Variants in STARD13 observed in about 807,000 individuals in gnomAD.
STARD13 encodes the protein stAR-related lipid transfer protein 13.
In STARD13, 62 loss-of-function variants were observed where a neutral mutation model predicts 106.4. The observed-to-expected ratio is 0.58, with a 90% CI of 0.48 to 0.72. The LOEUF is 0.72. STARD13 is among the 30% of genes least tolerant of loss of function. The probability of loss-of-function intolerance (pLI) is 0.00; values close to 1 mark genes in which losing one functional copy is unlikely to be tolerated. For synonymous variants in STARD13, 565 were observed against 553.0 expected, an observed-to-expected ratio of 1.02 and a Z score of -0.31; for missense variants, 1,387 against 1,424.0, an observed-to-expected ratio of 0.97 and a Z score of 0.42.
chr13:33,552,909 A>C, the STARD13 span, among the ~76,000 whole-genome samples: 2 of 152,144 alleles, frequency 1.3e-5, no homozygotes, highest in Non-Finnish European at 2.9e-5. Flanking sequence ...AACACACAAA[A>C]ATTCACAGAA....
At chr13:33,467,253 G>A in the STARD13 span, among the ~76,000 whole-genome samples, 7 of 151,906 alleles carry the variant, frequency 4.6e-5, no homozygotes, top group East Asian at 1.9e-4. Context: ...TGGGGGTGAC[G>A]GGAGACAGTG....
intron 1 of STARD13, among the ~76,000 whole-genome samples, chr13:33,180,869 T>C (rs533507576): frequency 7.4e-4 from 112 of 152,336 alleles, no homozygotes; most frequent in South Asian, 5.0e-3. Flanking sequence ...TAGAAATCCG[T>C]CCTTGAAACT....
At chr13:33,107,931 T>C (rs1873992466) in intron 12 of STARD13, among the ~76,000 whole-genome samples, 1 of 152,088 alleles carries the variant, frequency 6.6e-6, no homozygotes, top group South Asian at 2.1e-4. Context: ...TCCTCCATGA[T>C]TTCACCCTGT....
At chr13:33,524,745 T>C in the STARD13 span, among the ~76,000 whole-genome samples, 3 of 152,116 alleles carry the variant, frequency 2.0e-5, no homozygotes, top group African/African-American at 7.2e-5. Context: ...TAAAATTGTA[T>C]ATATTTATGG....
chr13:33,189,684 T>A (rs1886100327), intron 1 of STARD13, among the ~76,000 whole-genome samples: 1 of 151,816 alleles, frequency 6.6e-6, no homozygotes, highest in South Asian at 2.1e-4. Flanking sequence ...TCACAGCTAT[T>A]TCGCTAATCA....
the STARD13 span, among the ~76,000 whole-genome samples, chr13:33,509,422 C>T: frequency 6.6e-6 from 1 of 152,158 alleles, no homozygotes; most frequent in Non-Finnish European, 1.5e-5. Context: ...GGATCCTGGT[C>T]AACCAGGGAT....
At chr13:33,128,507 C>T (rs1207217395) in intron 5 of STARD13, among the ~76,000 whole-genome samples, 2 of 152,014 alleles carry the variant, frequency 1.3e-5, no homozygotes, top group African/African-American at 4.8e-5. Context: ...CATCTTAGGC[C>T]TCAGAAATTT....
chr13:33,587,011 C>T, the STARD13 span, among the ~76,000 whole-genome samples: 6 of 152,152 alleles, frequency 3.9e-5, no homozygotes, highest in African/African-American at 7.2e-5. Context: ...GTCAGGAGTT[C>T]GGGATCAGCC....
chr13:33,427,437 C>T, the STARD13 span, among the ~76,000 whole-genome samples: 1 of 152,112 alleles, frequency 6.6e-6, no homozygotes, highest in East Asian at 1.9e-4. Context: ...TATTTTAAGT[C>T]AAGAGGATTT....
At chr13:33,338,098 G>A (rs900265966) in intron 1 of STARD13, among the ~76,000 whole-genome samples, 1 of 152,202 alleles carries the variant, frequency 6.6e-6, no homozygotes, top group South Asian at 2.1e-4. Context: ...ATAGCAGAAG[G>A]TACCAGTTAT....
intron 3 of STARD13, among the ~76,000 whole-genome samples, chr13:33,157,361 A>G (rs1882103458): frequency 6.6e-6 from 1 of 152,224 alleles, no homozygotes; most frequent in African/African-American, 2.4e-5. Context: ...TTACTGGCCT[A>G]ACATTAAATT....
the STARD13 span, among the ~76,000 whole-genome samples, chr13:33,356,819 C>CTAAACAGCAAG: frequency 6.6e-6 from 1 of 152,212 alleles, no homozygotes; most frequent in Admixed American, 6.5e-5. Context: ...AGAAGTCACT[C>CTAAACAGCAAG]ATGAGAATTA....
chr13:33,344,299 A>AT (rs1159191518), downstream of STARD13, among the ~76,000 whole-genome samples: 3 of 152,162 alleles, frequency 2.0e-5, no homozygotes, highest in East Asian at 5.8e-4. Context: ...CTTGACTTAG[A>AT]TTTTTTTGTT....
chr13:33,327,244 TCTTGAGAGACGATATTCATTTTTTAAATG>T, intron 1 of STARD13, among the ~76,000 whole-genome samples: 1 of 152,374 alleles, frequency 6.6e-6, no homozygotes, highest in South Asian at 2.1e-4. Flanking sequence ...AAATAAGTTC[TCTTGAGAGACGATATTCATTTTTTAAATG>T]CTGGCCAGCT....
chr13:33,577,156 T>G, the STARD13 span, among the ~76,000 whole-genome samples: 1 of 152,230 alleles, frequency 6.6e-6, no homozygotes, highest in East Asian at 1.9e-4. Context: ...TGAGTGATTT[T>G]CATAATGTAC....
intron 1 of STARD13, among the ~76,000 whole-genome samples, chr13:33,297,280 G>T (rs1239367163): frequency 6.6e-6 from 1 of 152,164 alleles, no homozygotes; most frequent in Non-Finnish European, 1.5e-5. Flanking sequence ...CTCCTTAGTG[G>T]CTCCGCCAAA....
the STARD13 span, among the ~76,000 whole-genome samples, chr13:33,583,185 A>G: frequency 6.6e-6 from 1 of 152,348 alleles, no homozygotes; most frequent in East Asian, 1.9e-4. Flanking sequence ...TACTTTACAG[A>G]CACTGTCAAT....
the STARD13 span, among the ~76,000 whole-genome samples, chr13:33,635,708 C>T: frequency 2.8e-3 from 422 of 149,174 alleles, 10 homozygotes; most frequent in Admixed American, 0.025. Flanking sequence ...ACAGGCTGGG[C>T]GCAGTGGTTC....
chr13:33,626,938 TC>T, the STARD13 span, among the ~76,000 whole-genome samples: 3 of 152,184 alleles, frequency 2.0e-5, no homozygotes, highest in Non-Finnish European at 4.4e-5. Flanking sequence ...AAATAAAAAT[TC>T]TGGCCATCAG....
Sources: allele counts gnomAD v4.1 joint callset (sites outside exome capture counted in the v4.1 genomes callset), GRCh38; gene constraint gnomAD v4.1.1; transcripts MANE v1.5; gene names NCBI Gene and HGNC (gene_info 2026-07-23, HGNC 2026-07-21).